Variants in SLC43A2 observed in about 807,000 individuals in gnomAD.
SLC43A2 encodes the protein large neutral amino acids transporter small subunit 4.
In SLC43A2, 38 loss-of-function variants were observed where a neutral mutation model predicts 63.2. The observed-to-expected ratio is 0.60, with a 90% CI of 0.46 to 0.79. The LOEUF is 0.79. SLC43A2 is among the 30% of genes least tolerant of loss of function. SLC43A2 has a pLI of 0.00. For synonymous variants in SLC43A2, 322 were observed against 331.0 expected (o/e 0.97, Z 0.30); for missense variants, 644 against 756.2 (o/e 0.85, Z 1.74).
intron 5 of SLC43A2, among the ~76,000 whole-genome samples, chr17:1,602,716 T>A (rs577921872): frequency 1.3e-5 from 2 of 152,026 alleles, no homozygotes; most frequent in East Asian, 3.9e-4. Context: ...ATTTTCCTAG[T>A]TTGTCATTTA....
chr17:1,616,887 C>A, intron 2 of SLC43A2, 118 bp from the exon 3 acceptor site: 1 of 1,174,578 alleles, frequency 8.5e-7, no homozygotes. Context: ...TGGCTGGCGG[C>A]CTCTCGAGGG....
At chr17:1,595,741 G>A (rs940952064) in intron 5 of SLC43A2, among the ~76,000 whole-genome samples, 10 of 151,710 alleles carry the variant, frequency 6.6e-5, no homozygotes, top group African/African-American at 2.2e-4. Flanking sequence ...CATCACGCCC[G>A]GCCTTTAATT....
chr17:1,604,956 G>T, intron 5 of SLC43A2: 1 of 1,494,004 alleles, frequency 6.7e-7, no homozygotes, highest in East Asian at 2.5e-5. Flanking sequence ...AGGGCTGAGC[G>T]CTGAGCAGAG....
rs751750316 is a variant in SLC43A2 at position 1,593,294 on chromosome 17, G to A, written c.502-15C>T. ...ATGTTGGGCAGCTGAGAGATAAGAA[G>A]CAGAGAAACCTCAGTGGGGAGGATG... On this transcript the variant is annotated splice_polypyrimidine_tract_variant and intron_variant, in intron 5 of 13. Transcript: ENST00000301335. The surrounding 1 kb of genome is among the most constrained non-coding windows in gnomAD (Gnocchi z 5.3). 6.2e-7 allele frequency: 1 copy of A among 1,611,850 alleles called. No homozygotes were observed. The highest frequency in any genetic ancestry group is 1.1e-5 in the South Asian group (1 of 90,684).
rs1370156834 is a variant in SLC43A2, at chr17:1,606,832, G to A, written c.501+6363C>T. On this transcript the variant is annotated intron_variant, in intron 5 of 13. Coordinates refer to ENST00000301335, the MANE Select transcript of SLC43A2 (RefSeq NM_152346.3). This position sits in a 1 kb window ranked among gnomAD's most constrained non-coding sequence, Gnocchi z 4.7. ...GATGGCCCAGGCCCTGTGCTGCAGGGCCCTGGGAGAGCCAGCACTGGCTAC... is the reference window on the plus strand; with the variant it reads ...GATGGCCCAGGCCCTGTGCTGCAGGACCCTGGGAGAGCCAGCACTGGCTAC... 6.6e-6 allele frequency among the ~76,000 whole-genome samples: 1 copy of A among 152,246 alleles called. No homozygotes were observed. Among genetic ancestry groups the A allele is most frequent in the Admixed American group, 6.5e-5 (1 of 15,288 alleles).
chr17:1,627,867 G>A lies in SLC43A2; in HGVS notation c.8C>T (p.Pro3Leu), dbSNP rs1473028731. MAPTLATAHRRRW... is the reference protein window; with the variant it reads MALTLATAHRRRW... ...GCGCCGATGGGCAGTGGCCAGGGTG[G>A]GCGCCATGGTGCGGCGCGGCGCGGC... The change falls in exon 2 of 14, where the codon CCC (proline) becomes CTC (leucine). Residue 3 changes from proline to leucine, a missense_variant. Pro to Leu is a moderately conservative substitution (Grantham distance 98, BLOSUM62 -3). Coordinates refer to ENST00000301335, the MANE Select transcript of SLC43A2 (RefSeq NM_152346.3). 6.4e-7 allele frequency: 1 copy of A among 1,569,380 alleles called. No individual in the cohort carries two copies. The highest frequency in any genetic ancestry group is 1.4e-5 in the African/African-American group (1 of 73,722).
intron 8 of SLC43A2, 131 bp downstream of exon 8, chr17:1,591,138 C>T: frequency 1.5e-6 from 2 of 1,318,578 alleles, no homozygotes; most frequent in South Asian, 2.8e-5. Flanking sequence ...CTCCCCCAGG[C>T]CTTCCTGAGC....
At chr17:1,585,749 C>G in intron 10 of SLC43A2, 164 bp downstream of exon 10, 1 of 1,579,268 alleles carries the variant, frequency 6.3e-7, no homozygotes, top group Non-Finnish European at 8.5e-7. Flanking sequence ...GCAGTTGAAA[C>G]GCATGCTGAG....
Position 1,571,060 on chromosome 17 carries a change from G to C in SLC43A2, c.*4544C>G, listed in dbSNP as rs894311009. On this transcript the variant is annotated 3_prime_UTR_variant, in exon 14 of 14. Transcript: ENST00000301335. The surrounding 1 kb of genome is among the most constrained non-coding windows in gnomAD (Gnocchi z 5.2). ...TCTCAGAGCTGCCCGGAGGGGGTGA[G>C]GATGGCTAACTTAAGGAGCACAGGC... 9 of 151,994 alleles carry C rather than the reference G, an allele frequency of 5.9e-5. No individual in the cohort carries two copies. Among genetic ancestry groups the C allele is most frequent in the Admixed American group, 3.3e-4 (5 of 15,278 alleles). 9.4% of individuals were successfully genotyped at this position (151,994 alleles called of 1,614,324 possible). A position where few individuals can be genotyped will look rare whatever the true frequency, so the allele number is the denominator to read the frequency against.
chr17:1,581,813 T>G (rs368295713), intron 11 of SLC43A2, among the ~76,000 whole-genome samples: 6 of 151,952 alleles, frequency 3.9e-5, no homozygotes, highest in East Asian at 1.9e-4. Flanking sequence ...TCAGTTTTTT[T>G]TTTTTTTTTT....
In SLC43A2 at chr17:1,627,888, G is replaced by GCGGCTC. The variant is rs751433439; in HGVS notation, c.-20_-15dup. On this transcript the variant is annotated 5_prime_UTR_variant, in exon 2 of 14. Transcript: ENST00000301335. Reference sequence around the variant, plus strand: ...GGTGGGCGCCATGGTGCGGCGCGGCGCGGCTCCGGCTCCGGCTCCGGCTCT... The same window carrying GCGGCTC: ...GGTGGGCGCCATGGTGCGGCGCGGCGCGGCTCCGGCTCCGGCTCCGGCTCCGGCTCT... 2.2e-4 allele frequency: 334 copies of GCGGCTC among 1,547,002 alleles called. No individual in the cohort carries two copies. The highest frequency in any genetic ancestry group is 3.9e-4 in the Middle Eastern group (2 of 5,100).
At position 1,605,888 on chromosome 17, in the gene SLC43A2, G is replaced by C. The variant is rs1219088746; in HGVS notation, c.501+7307C>G. Among the ~76,000 whole-genome samples, 1 of 152,108 alleles carries C rather than the reference G, an allele frequency of 6.6e-6. No homozygotes were observed. Among genetic ancestry groups the C allele is most frequent in the Admixed American group, 6.5e-5 (1 of 15,270 alleles). On this transcript the variant is annotated intron_variant, in intron 5 of 13. Coordinates refer to ENST00000301335, the MANE Select transcript of SLC43A2 (RefSeq NM_152346.3). The surrounding 1 kb of genome is among the most constrained non-coding windows in gnomAD (Gnocchi z 4.9). ...GGGGAAGGGTGTGCTCCCCTCCCCC[G>C]GCCACCTCCTGTGCCTTCCCGGCCG...
intron 5 of SLC43A2, among the ~76,000 whole-genome samples, chr17:1,594,503 T>G (rs968672876): frequency 5.9e-5 from 9 of 152,162 alleles, no homozygotes; most frequent in Non-Finnish European, 1.3e-4. Flanking sequence ...TTCATTAAAT[T>G]CAGGCTGCTT....
rs528479476 is a variant in SLC43A2 at position 1,586,029 on chromosome 17, G to T, written c.1101C>A (p.Phe367Leu). 6.2e-7 allele frequency: 1 copy of T among 1,603,840 alleles called. No individual in the cohort carries two copies. The highest frequency in any genetic ancestry group is 8.5e-7 in the Non-Finnish European group (1 of 1,175,524). ...GCAGGCACAGCAGCTGGAGCACGCC[G>T]AAGATGGAGGTGTAGAGGCCAACTG... ...QKTVGLYTSI[F>L]GVLQLLCLLT... Residue 367 changes from phenylalanine (F) to leucine (L), a missense_variant, in exon 10 of 14, where the codon TTC (phenylalanine) becomes TTA (leucine). By Grantham distance (22) the Phe-to-Leu change is conservative. Coordinates refer to ENST00000301335, the MANE Select transcript of SLC43A2 (RefSeq NM_152346.3).
chr17:1,596,587 A>G (rs993238656), intron 5 of SLC43A2, among the ~76,000 whole-genome samples: 3 of 147,958 alleles, frequency 2.0e-5, no homozygotes, highest in Non-Finnish European at 4.5e-5. Flanking sequence ...TAAATAACCA[A>G]TTTTTTTTTT....
At chr17:1,595,136 C>T (rs1172816464) in intron 5 of SLC43A2, among the ~76,000 whole-genome samples, 1 of 151,914 alleles carries the variant, frequency 6.6e-6, no homozygotes, top group African/African-American at 2.4e-5. Flanking sequence ...CAAAAATTAG[C>T]CGGATGTGGT....
chr17:1,605,287 TC>T lies in SLC43A2; in HGVS notation c.501+7907del. On this transcript the variant is annotated intron_variant, in intron 5 of 13. Coordinates refer to ENST00000301335, the MANE Select transcript of SLC43A2 (RefSeq NM_152346.3). This position sits in a 1 kb window ranked among gnomAD's most constrained non-coding sequence, Gnocchi z 4.9. Reference sequence around the variant, plus strand: ...ATAAACAGGCCGGACTGTGTGACCTTCCCAGAGGGGAAAACAGCAGCTGCAG... The same window carrying T: ...ATAAACAGGCCGGACTGTGTGACCTTCCAGAGGGGAAAACAGCAGCTGCAG... 2.0e-6 allele frequency: 2 copies of T among 993,770 alleles called. No individual in the cohort carries two copies. Among genetic ancestry groups the T allele is most frequent in the Non-Finnish European group, 2.4e-6 (2 of 822,472 alleles). 61.6% of individuals were successfully genotyped at this position (993,770 alleles called of 1,614,324 possible).
At chr17:1,621,700 T>C (rs1352943987) in intron 2 of SLC43A2, among the ~76,000 whole-genome samples, 1 of 152,220 alleles carries the variant, frequency 6.6e-6, no homozygotes, top group Non-Finnish European at 1.5e-5. Flanking sequence ...ACGAGGATAC[T>C]GTCAGAGTGT....
chr17:1,616,869 G>A (rs988507770), intron 2 of SLC43A2, 100 bp from the exon 3 acceptor site: 3 of 1,377,042 alleles, frequency 2.2e-6, no homozygotes, highest in Middle Eastern at 2.3e-4. Flanking sequence ...CACTGGGAAT[G>A]CCAGGGCTGG....
Sources: gnomAD v4.1 joint callset for allele counts (sites outside exome capture counted in the v4.1 genomes callset) on GRCh38, gnomAD v4.1.1 for gene constraint, Gnocchi (gnomAD v3.1) non-coding constraint, MANE v1.5 for transcripts, NCBI Gene and HGNC (gene_info 2026-07-23, HGNC 2026-07-21) for gene names.